The following MLLT1 variants were observed in gnomAD, a reference collection of about 807,000 sequenced individuals.
The protein encoded by MLLT1 is protein ENL.
A neutral mutation model predicts 55.1 loss-of-function variants in MLLT1; 11 were observed. The ratio of observed to expected loss-of-function variants is 0.20; its 90% CI spans 0.13 to 0.33. The LOEUF is 0.33. MLLT1 is among the 10% of genes least tolerant of loss of function. The probability of loss-of-function intolerance (pLI) is 1.00; values close to 1 mark genes in which losing one functional copy is unlikely to be tolerated. For synonymous variants in MLLT1, 323 were observed against 320.1 expected, an observed-to-expected ratio of 1.01 and a Z score of -0.10; for missense variants, 536 against 760.6, an observed-to-expected ratio of 0.70 and a Z score of 3.47.
intron 3 of MLLT1, among the ~76,000 whole-genome samples, chr19:6,250,125 G>T (rs1209545301): frequency 6.6e-6 from 1 of 152,120 alleles, no homozygotes; most frequent in African/African-American, 2.4e-5. Flanking sequence ...TTCAAAACAG[G>T]ATATACAAAT....
chr19:6,258,420 T>G (rs1437571030), intron 3 of MLLT1, among the ~76,000 whole-genome samples: 2 of 152,214 alleles, frequency 1.3e-5, no homozygotes, highest in East Asian at 3.8e-4. Context: ...AAGGTTGAGC[T>G]GCCCAACACG....
chr19:6,237,462 T>TA (rs1187401701), intron 3 of MLLT1, among the ~76,000 whole-genome samples: 1 of 152,152 alleles, frequency 6.6e-6, no homozygotes, highest in East Asian at 1.9e-4. Flanking sequence ...ATGCTGGGCT[T>TA]AAAAAAACAT....
chr19:6,261,047 G>T (rs2091300496), intron 3 of MLLT1, among the ~76,000 whole-genome samples: 1 of 152,176 alleles, frequency 6.6e-6, no homozygotes, highest in African/African-American at 2.4e-5. Flanking sequence ...CCCAAGAGGG[G>T]GCTGCTGTTC....
At chr19:6,223,088 G>T (rs886076656) in intron 5 of MLLT1, among the ~76,000 whole-genome samples, 1 of 152,106 alleles carries the variant, frequency 6.6e-6, no homozygotes, top group Non-Finnish European at 1.5e-5. Context: ...GGCACTGGAC[G>T]CAGCCCTGCC....
chr19:6,233,522 A>AG (rs771981423), intron 3 of MLLT1, among the ~76,000 whole-genome samples: 2 of 152,202 alleles, frequency 1.3e-5, no homozygotes, highest in Non-Finnish European at 2.9e-5. Context: ...GACATGTGAC[A>AG]GGCTTGGGTA....
intron 3 of MLLT1, among the ~76,000 whole-genome samples, chr19:6,247,032 T>A (rs1600199560): frequency 6.6e-6 from 1 of 152,252 alleles, no homozygotes; most frequent in African/African-American, 2.4e-5. Context: ...AGTACAGATA[T>A]CGGGAGCCAG....
At chr19:6,216,632 C>T (rs969474531) in intron 7 of MLLT1, 119 bp from the exon 8 acceptor site, 13 of 669,124 alleles carry the variant, frequency 1.9e-5, no homozygotes, top group Admixed American at 5.6e-5. Context: ...CAAATGCACA[C>T]GCCCGTCCAC....
rs1568281094 is a variant in MLLT1, at chr19:6,230,495, G to A, written c.420+75C>T. Reference sequence around the variant, plus strand: ...TCGGCCCCCAGCACCGACACCTCTGGCTGGGCACAGACGGCCGCAGCAAAG... The same window carrying A: ...TCGGCCCCCAGCACCGACACCTCTGACTGGGCACAGACGGCCGCAGCAAAG... On this transcript the variant is annotated intron_variant, in intron 4 of 11. Coordinates refer to ENST00000252674, the MANE Select transcript of MLLT1 (RefSeq NM_005934.4). The surrounding 1 kb of genome is among the most constrained non-coding windows in gnomAD (Gnocchi z 9.0). 13 of 1,572,330 alleles carry A rather than the reference G, an allele frequency of 8.3e-6. No homozygotes were observed. Among genetic ancestry groups the A allele is most frequent in the Admixed American group, 1.8e-5 (1 of 56,660 alleles).
intron 5 of MLLT1, among the ~76,000 whole-genome samples, chr19:6,225,191 G>A (rs977990002): frequency 2.2e-4 from 33 of 152,220 alleles, no homozygotes; most frequent in Non-Finnish European, 4.0e-4. Flanking sequence ...TGCCTGCCAC[G>A]CCACTCTTGG....
chr19:6,213,155 C>T lies in MLLT1; in HGVS notation c.1567G>A (p.Glu523Lys), dbSNP rs1418337947. 2 of 1,613,852 alleles carry T rather than the reference C, an allele frequency of 1.2e-6. No homozygotes were observed. The highest frequency in any genetic ancestry group is 1.1e-5 in the South Asian group (1 of 91,090). Reference sequence around the variant, plus strand: ...GTGACATTGAAGTGGCCAGTCTCCTCGATCAGATTCACAATCTGTAAGGTG... The same window carrying T: ...GTGACATTGAAGTGGCCAGTCTCCTTGATCAGATTCACAATCTGTAAGGTG... ...NVLQQIVNLI[E>K]ETGHFNVTNT... Residue 523 changes from glutamate (E) to lysine (K), a missense_variant, in exon 12 of 12, where the codon GAG becomes AAG. Glu to Lys is a moderately conservative substitution (Grantham distance 56, BLOSUM62 1). Around this residue, in one of 3 missense-constraint regions of MLLT1, gnomAD observed 25 missense variants for 75.8 expected, o/e 0.33. Coordinates refer to ENST00000252674, the MANE Select transcript of MLLT1 (RefSeq NM_005934.4).
At position 6,231,674 on chromosome 19, in the gene MLLT1, T is replaced by C. The variant is rs537006865; in HGVS notation, c.277-961A>G. Among the ~76,000 whole-genome samples, 1 of 152,122 alleles carries C rather than the reference T, an allele frequency of 6.6e-6. No individual in the cohort carries two copies. Among genetic ancestry groups the C allele is most frequent in the East Asian group, 2.0e-4 (1 of 5,120 alleles). ...CCGCCACCACGTCTGGCTAATTTTTTGTATTTTCAGTAAAGACGGGGTTTC... is the reference window on the plus strand; with the variant it reads ...CCGCCACCACGTCTGGCTAATTTTTCGTATTTTCAGTAAAGACGGGGTTTC... On this transcript the variant is annotated intron_variant, in intron 3 of 11. Transcript: ENST00000252674. The surrounding 1 kb of genome is among the most constrained non-coding windows in gnomAD (Gnocchi z 5.1).
intron 1 of MLLT1, among the ~76,000 whole-genome samples, chr19:6,277,376 G>A (rs930368578): frequency 3.2e-4 from 48 of 152,366 alleles, no homozygotes; most frequent in African/African-American, 1.2e-3. Flanking sequence ...CTGCGATGAT[G>A]GAAATGCATC....
chr19:6,266,622 A>G (rs190060041), intron 2 of MLLT1, among the ~76,000 whole-genome samples: 1 of 152,114 alleles, frequency 6.6e-6, no homozygotes, highest in East Asian at 1.9e-4. Context: ...CCCCTGGCTA[A>G]CTTTTTGTAA....
Position 6,231,964 on chromosome 19 carries a change from C to T in MLLT1, c.277-1251G>A, listed in dbSNP as rs999563709. 6.1e-5 allele frequency among the ~76,000 whole-genome samples: 9 copies of T among 146,732 alleles called. No individual in the cohort carries two copies. Among genetic ancestry groups the T allele is most frequent in the Non-Finnish European group, 1.0e-4 (7 of 66,734 alleles). On this transcript the variant is annotated intron_variant, in intron 3 of 11. Transcript: ENST00000252674. The surrounding 1 kb of genome is among the most constrained non-coding windows in gnomAD (Gnocchi z 5.1). ...GGAAACAACGTGCATGGGCCGGGCG[C>T]GGTGGCTCACGCCTGTAACCCAGAA...
At chr19:6,245,357 G>A (rs1400425684) in intron 3 of MLLT1, among the ~76,000 whole-genome samples, 2 of 149,834 alleles carry the variant, frequency 1.3e-5, no homozygotes, top group African/African-American at 4.9e-5. Context: ...CTCCCAAAGT[G>A]CTGGGATTAC....
rs759302912 is a variant in MLLT1, at chr19:6,240,628, G to A, written c.277-9915C>T. Among the ~76,000 whole-genome samples, 2 of 152,118 alleles carry A rather than the reference G, an allele frequency of 1.3e-5. No homozygotes were observed. The highest frequency in any genetic ancestry group is 2.9e-5 in the Non-Finnish European group (2 of 68,028). On this transcript the variant is annotated intron_variant, in intron 3 of 11. Coordinates refer to ENST00000252674, the MANE Select transcript of MLLT1 (RefSeq NM_005934.4). The surrounding 1 kb of genome is among the most constrained non-coding windows in gnomAD (Gnocchi z 4.7). ...CAAACCACGAGACTGAGAGCACCAC[G>A]GAACCCTACAGCTCTCAGATTCAAA...
rs1009718670 is a variant in MLLT1 at position 6,260,470 on chromosome 19, C to T, written c.276+1758G>A. ...ACTTGGGAGCGGCTGGCCTGCATCT[C>T]GCCTGAAGTTGCCCCTACTAAGCAA... On this transcript the variant is annotated intron_variant, in intron 3 of 11. Transcript: ENST00000252674. 4.6e-5 allele frequency among the ~76,000 whole-genome samples: 7 copies of T among 152,332 alleles called. No individual in the cohort carries two copies. The South Asian group carries it at 1.0e-3, about 23-fold the overall frequency.
intron 3 of MLLT1, among the ~76,000 whole-genome samples, chr19:6,245,418 C>T (rs1223205126): frequency 2.7e-5 from 4 of 150,656 alleles, no homozygotes; most frequent in African/African-American, 9.7e-5. Flanking sequence ...TAATAACTCA[C>T]CGGATGTGAG....
intron 3 of MLLT1, chr19:6,259,820 A>AAAAAAAAC (rs2091288581): frequency 6.6e-6 from 1 of 150,610 alleles, no homozygotes; most frequent in Non-Finnish European, 1.5e-5. Context: ...AAAAAAAAAA[A>AAAAAAAAC]CAGAAAAACT....
Sources: allele counts gnomAD v4.1 joint callset (sites outside exome capture counted in the v4.1 genomes callset), GRCh38; gene constraint gnomAD v4.1.1; regional missense constraint gnomAD v4.1.1; non-coding constraint Gnocchi (gnomAD v3.1); transcripts MANE v1.5; gene names NCBI Gene and HGNC (gene_info 2026-07-23, HGNC 2026-07-21).